The following PABPC4L variants were observed in gnomAD, a reference collection of about 807,000 sequenced individuals.
PABPC4L encodes polyadenylate-binding protein 4-like.
For missense variants in PABPC4L, 452 were observed against 451.4 expected (o/e 1.00, Z -0.01); for synonymous variants, 169 against 164.1 (o/e 1.03, Z -0.23).
At chr4:133,996,363 T>C in the PABPC4L span, among the ~76,000 whole-genome samples, 13 of 152,120 alleles carry the variant, frequency 8.5e-5, no homozygotes, top group African/African-American at 2.7e-4. Flanking sequence ...CAAGCCTTAT[T>C]CTGAGAACCA....
At chr4:134,063,167 A>C in the PABPC4L span, among the ~76,000 whole-genome samples, 2 of 152,130 alleles carry the variant, frequency 1.3e-5, no homozygotes, top group Admixed American at 1.3e-4. Context: ...CTTACCTTTT[A>C]GGGTGACTGT....
chr4:133,999,902 T>C, the PABPC4L span, among the ~76,000 whole-genome samples: 5 of 152,214 alleles, frequency 3.3e-5, no homozygotes, highest in East Asian at 9.6e-4. Flanking sequence ...TTTATTAAAA[T>C]ATTAAACTTG....
chr4:134,114,201 G>A, the PABPC4L span, among the ~76,000 whole-genome samples: 2 of 151,660 alleles, frequency 1.3e-5, no homozygotes, highest in Non-Finnish European at 1.5e-5. Flanking sequence ...ACAAGTTGGA[G>A]TCACTTTCAG....
At chr4:134,158,819 C>T in the PABPC4L span, among the ~76,000 whole-genome samples, 1 of 151,960 alleles carries the variant, frequency 6.6e-6, no homozygotes, top group Non-Finnish European at 1.5e-5. Context: ...ACTTTGTCAT[C>T]CTGGGGATAT....
chr4:134,008,644 T>C, the PABPC4L span, among the ~76,000 whole-genome samples: 3 of 151,772 alleles, frequency 2.0e-5, no homozygotes, highest in African/African-American at 7.2e-5. Context: ...TACGGAGATA[T>C]AGTGAGATGA....
chr4:133,954,653 T>C, the PABPC4L span, among the ~76,000 whole-genome samples: 3 of 152,264 alleles, frequency 2.0e-5, no homozygotes, highest in Admixed American at 1.3e-4. Flanking sequence ...TTCCCATTTT[T>C]GGTTAGTCTC....
At chr4:133,970,464 G>T in the PABPC4L span, among the ~76,000 whole-genome samples, 1 of 152,130 alleles carries the variant, frequency 6.6e-6, no homozygotes, top group Non-Finnish European at 1.5e-5. Context: ...AGCTATGATT[G>T]CATCAAACTG....
rs1054308368 is a variant in PABPC4L, at chr4:134,201,219, T to C, written c.-200A>G. The C allele has an allele frequency of 4.5e-6, 7 of 1,541,814 alleles. No individual in the cohort carries two copies. The African/African-American group carries it at 9.6e-5, about 21-fold the overall frequency. On this transcript the variant is annotated 5_prime_UTR_variant, in exon 2 of 2. Coordinates refer to ENST00000421491, the MANE Select transcript of PABPC4L (RefSeq NM_001114734.2). ...CCAAAAGTCCCCACAGCCACCAATC[T>C]GGCCCTCCTAGGACGCGGCAACAGA...
At chr4:134,015,420 A>G in the PABPC4L span, among the ~76,000 whole-genome samples, 1 of 152,094 alleles carries the variant, frequency 6.6e-6, no homozygotes, top group South Asian at 2.1e-4. Flanking sequence ...GATCTCAAAC[A>G]TGCTTTCTTT....
the PABPC4L span, among the ~76,000 whole-genome samples, chr4:134,089,770 T>C: frequency 1.3e-5 from 2 of 152,078 alleles, no homozygotes; most frequent in East Asian, 1.9e-4. Flanking sequence ...GTGGGTTCCA[T>C]AGGGCTGAGC....
chr4:134,100,514 T>C, the PABPC4L span, among the ~76,000 whole-genome samples: 2 of 151,636 alleles, frequency 1.3e-5, no homozygotes, highest in Admixed American at 1.3e-4. Context: ...TGGAAGATGA[T>C]TCAATGCGTG....
At chr4:134,145,883 A>T in the PABPC4L span, among the ~76,000 whole-genome samples, 1 of 152,024 alleles carries the variant, frequency 6.6e-6, no homozygotes. Flanking sequence ...ATAACATTTA[A>T]TCTTGAAAGT....
chr4:134,057,770 C>T, the PABPC4L span, among the ~76,000 whole-genome samples: 2 of 152,048 alleles, frequency 1.3e-5, no homozygotes, highest in Non-Finnish European at 2.9e-5. Context: ...GAATTCAACA[C>T]CATGTCATTT....
At chr4:133,948,474 T>A in the PABPC4L span, among the ~76,000 whole-genome samples, 1 of 152,214 alleles carries the variant, frequency 6.6e-6, no homozygotes, top group South Asian at 2.1e-4. Flanking sequence ...ATGTTTAGGA[T>A]GTGGGTACAA....
the PABPC4L span, among the ~76,000 whole-genome samples, chr4:134,078,244 G>T: frequency 1.3e-5 from 2 of 152,036 alleles, no homozygotes; most frequent in East Asian, 1.9e-4. Flanking sequence ...TCCTAATCAA[G>T]GCATAACATA....
chr4:134,000,002 C>T, the PABPC4L span, among the ~76,000 whole-genome samples: 1 of 151,824 alleles, frequency 6.6e-6, no homozygotes, highest in African/African-American at 2.4e-5. Context: ...TCAAAATTGG[C>T]TTGTAAGTTA....
downstream of PABPC4L, among the ~76,000 whole-genome samples, chr4:134,193,879 G>A (rs1450891259): frequency 2.0e-5 from 3 of 151,858 alleles, no homozygotes; most frequent in Non-Finnish European, 4.4e-5. Flanking sequence ...GATAAAAACT[G>A]TGGCGTAGAT....
At chr4:134,012,807 C>G in the PABPC4L span, among the ~76,000 whole-genome samples, 1 of 152,150 alleles carries the variant, frequency 6.6e-6, no homozygotes, top group African/African-American at 2.4e-5. Flanking sequence ...CAACCTCCCT[C>G]ACTATCCCTC....
chr4:134,063,166 T>C, the PABPC4L span, among the ~76,000 whole-genome samples: 2 of 152,102 alleles, frequency 1.3e-5, no homozygotes, highest in Non-Finnish European at 2.9e-5. Flanking sequence ...GCTTACCTTT[T>C]AGGGTGACTG....
Sources: gnomAD v4.1 joint callset for allele counts (sites outside exome capture counted in the v4.1 genomes callset) on GRCh38, gnomAD v4.1.1 for gene constraint, MANE v1.5 for transcripts, NCBI Gene and HGNC (gene_info 2026-07-23, HGNC 2026-07-21) for gene names.